Variants in PRSS16 observed in about 807,000 individuals in gnomAD.
PRSS16 encodes the protein thymus-specific serine protease.
In PRSS16, 43 loss-of-function variants were observed where a neutral mutation model predicts 61.7. The observed-to-expected ratio is 0.70, with a 90% CI of 0.55 to 0.90. The LOEUF is 0.90. PRSS16 is among the 40% of genes least tolerant of loss of function. The pLI is 0.00. For synonymous variants in PRSS16, 273 were observed against 285.2 expected (o/e 0.96, Z 0.43); for missense variants, 591 against 659.1 (o/e 0.90, Z 1.13).
chr6:27,251,842 C>G lies in PRSS16; in HGVS notation c.810C>G (p.Ser270Arg), dbSNP rs376394921. 1 of 1,612,636 alleles carries G rather than the reference C, an allele frequency of 6.2e-7. No homozygotes were observed. The highest frequency in any genetic ancestry group is 8.5e-7 in the Non-Finnish European group (1 of 1,179,726). Residue 270 changes from serine (S) to arginine (R), a missense_variant, in exon 8 of 12, where the codon AGC becomes AGG. Physicochemically the swap from Ser to Arg is moderately radical, Grantham distance 110 (BLOSUM62 -1). Coordinates refer to ENST00000230582, the MANE Select transcript of PRSS16 (RefSeq NM_005865.4). This position sits in a 1 kb window ranked among gnomAD's most constrained non-coding sequence, Gnocchi z 5.6. ...AAGCAGCATTGCGGACGGAGCTGAG[C>G]GCTTGCGGGCCCCTGGGCCGCGCTG... ...AAQAALRTEL[S>R]ACGPLGRAEN...
Position 27,248,013 on chromosome 6 carries a change from C to G in PRSS16, c.202C>G (p.Pro68Ala), listed in dbSNP as rs267600915. ...KVGWLEQLLD[P>A]FNVSDRRSFL... ...GGGGTGGCTGGAGCAACTGCTGGACCCCTTCAACGTGTCCGACAGACGATC... is the reference window on the plus strand; with the variant it reads ...GGGGTGGCTGGAGCAACTGCTGGACGCCTTCAACGTGTCCGACAGACGATC... Residue 68 changes from proline to alanine, a missense_variant, in exon 2 of 12, where the codon CCC (proline) becomes GCC (alanine). Coordinates refer to ENST00000230582, the MANE Select transcript of PRSS16 (RefSeq NM_005865.4). 9.9e-6 allele frequency: 16 copies of G among 1,613,656 alleles called. No homozygotes were observed. Among genetic ancestry groups the G allele is most frequent in the Non-Finnish European group, 1.2e-5 (14 of 1,179,896 alleles).
chr6:27,252,264 C>A lies in PRSS16; in HGVS notation c.1008+224C>A. ...CACAGTGTGCGAATGTTAGAGACTG[C>A]GATTATTACCTATTTTGCCTATCCT... On this transcript the variant is annotated intron_variant, in intron 8 of 11. Coordinates refer to ENST00000230582, the MANE Select transcript of PRSS16 (RefSeq NM_005865.4). The surrounding 1 kb of genome is among the most constrained non-coding windows in gnomAD (Gnocchi z 4.2). 1 of 575,356 alleles carries A rather than the reference C, an allele frequency of 1.7e-6. No individual in the cohort carries two copies. Among genetic ancestry groups the A allele is most frequent in the African/African-American group, 1.9e-5 (1 of 51,624 alleles). The allele number at this position is 575,356 out of a possible 1,614,324, so 35.6% of individuals were successfully genotyped here.
Position 27,251,195 on chromosome 6 carries a change from T to G in PRSS16, c.670-22T>G, listed in dbSNP as rs371550730. On this transcript the variant is annotated intron_variant, in intron 6 of 11. Transcript: ENST00000230582. The surrounding 1 kb of genome is among the most constrained non-coding windows in gnomAD (Gnocchi z 5.6). ...GAGTCCCTTGACACTTCCGGATACC[T>G]TCCTCTGCGGTCCGCCCACAGGTGG... The G allele has an allele frequency of 2.5e-6, 4 of 1,613,394 alleles. No individual in the cohort carries two copies. The African/African-American group carries it at 4.0e-5, about 16-fold the overall frequency.
chr6:27,254,605 C>A, intron 9 of PRSS16, 88 bp from the exon 10 acceptor site: 1 of 1,277,314 alleles, frequency 7.8e-7, no homozygotes, highest in Non-Finnish European at 1.1e-6. Flanking sequence ...ATGTTCTGGT[C>A]ATCACTGAGG....
At position 27,252,236 on chromosome 6, in the gene PRSS16, G is replaced by A; in HGVS notation, c.1008+196G>A. ...TGTAGAGCAATCAGCTGGGAGCCTGGCACACAGTGTGCGAATGTTAGAGAC... is the reference window on the plus strand; with the variant it reads ...TGTAGAGCAATCAGCTGGGAGCCTGACACACAGTGTGCGAATGTTAGAGAC... On this transcript the variant is annotated intron_variant, in intron 8 of 11. Transcript: ENST00000230582. The surrounding 1 kb of genome is among the most constrained non-coding windows in gnomAD (Gnocchi z 4.2). 1 of 665,730 alleles carries A rather than the reference G, an allele frequency of 1.5e-6. No individual in the cohort carries two copies. Among genetic ancestry groups the A allele is most frequent in the Non-Finnish European group, 2.4e-6 (1 of 419,538 alleles). The allele number at this position is 665,730 out of a possible 1,614,324, so 41.2% of individuals were successfully genotyped here.
chr6:27,252,777 T>A lies in PRSS16; in HGVS notation c.1009-31T>A, dbSNP rs1759943202. On this transcript the variant is annotated intron_variant, in intron 8 of 11. Coordinates refer to ENST00000230582, the MANE Select transcript of PRSS16 (RefSeq NM_005865.4). This position sits in a 1 kb window ranked among gnomAD's most constrained non-coding sequence, Gnocchi z 4.2. The stretch of plus-strand genomic sequence containing the variant: ...GGCTTGCTGGGAAGAGAGGAGGAAT[T>A]TATGTCTTATGTATGTACATTGTTC... 4.3e-6 allele frequency: 7 copies of A among 1,613,000 alleles called. No homozygotes were observed. The highest frequency in any genetic ancestry group is 5.9e-6 in the Non-Finnish European group (7 of 1,179,490).
In PRSS16 at chr6:27,252,909, C is replaced by A. The variant is rs759815303; in HGVS notation, c.1110C>A (p.Asp370Glu). The change falls in exon 9 of 12, where the codon GAC (aspartate) becomes GAA (glutamate). Residue 370 changes from aspartate to glutamate, a missense_variant. Asp to Glu is a conservative substitution (Grantham distance 45). Transcript: ENST00000230582. The surrounding 1 kb of genome is among the most constrained non-coding windows in gnomAD (Gnocchi z 4.2). The part of the protein sequence containing the change: ...STEPQLSGVG[D>E]RQWLYQTCTE... ...AACCTCAACTGTCTGGTGTGGGTGACCGGCAGTGGTTGTATCAGACATGTA... is the reference window on the plus strand; with the variant it reads ...AACCTCAACTGTCTGGTGTGGGTGAACGGCAGTGGTTGTATCAGACATGTA... 1 of 1,614,172 alleles carries A rather than the reference C, an allele frequency of 6.2e-7. No individual in the cohort carries two copies. The highest frequency in any genetic ancestry group is 8.5e-7 in the Non-Finnish European group (1 of 1,180,044).
At position 27,255,786 on chromosome 6, in the gene PRSS16, CCTT is replaced by C. The variant is rs1323903347; in HGVS notation, c.*474_*476del. On this transcript the variant is annotated 3_prime_UTR_variant, in exon 12 of 12. Coordinates refer to ENST00000230582, the MANE Select transcript of PRSS16 (RefSeq NM_005865.4). The surrounding 1 kb of genome is among the most constrained non-coding windows in gnomAD (Gnocchi z 4.4). The stretch of plus-strand genomic sequence containing the variant: ...CTGTCACTATTTGTCTTTCTAATCT[CCTT>C]CTGTTTCTCTGAATATCTTCATTTC... 10 of 156,978 alleles carry C rather than the reference CCTT, an allele frequency of 6.4e-5. No individual in the cohort carries two copies. Among genetic ancestry groups the C allele is most frequent in the African/African-American group, 2.4e-4 (10 of 41,440 alleles). 9.7% of individuals were successfully genotyped at this position (156,978 alleles called of 1,614,324 possible). A position where few individuals can be genotyped will look rare whatever the true frequency, so the allele number is the denominator to read the frequency against.
At position 27,251,958 on chromosome 6, in the gene PRSS16, G is replaced by A. The variant is rs754960692; in HGVS notation, c.926G>A (p.Arg309Gln). ...CAGACGGGAGCGCCGCTAAGCGTGC[G>A]ACAGCTCTGCGGACTTCTCCTCGGG... is the stretch of plus-strand genomic sequence containing the variant. ...DGQTGAPLSV[R>Q]QLCGLLLGGG... Residue 309 changes from arginine (R) to glutamine (Q), a missense_variant, in exon 8 of 12, where the codon CGA becomes CAA. Coordinates refer to ENST00000230582, the MANE Select transcript of PRSS16 (RefSeq NM_005865.4). This position sits in a 1 kb window ranked among gnomAD's most constrained non-coding sequence, Gnocchi z 5.6. 6.2e-6 allele frequency: 10 copies of A among 1,608,302 alleles called. No individual in the cohort carries two copies. Among genetic ancestry groups the A allele is most frequent in the African/African-American group, 2.7e-5 (2 of 74,806 alleles).
At chr6:27,250,119 G>T (rs1325382769) in intron 4 of PRSS16, among the ~76,000 whole-genome samples, 2 of 152,010 alleles carry the variant, frequency 1.3e-5, no homozygotes, top group Non-Finnish European at 2.9e-5. Flanking sequence ...CTCCATCTCT[G>T]TCTCTCTGCA....
In PRSS16 at chr6:27,251,542, G is replaced by A; in HGVS notation, c.718-208G>A. On this transcript the variant is annotated intron_variant, in intron 7 of 11. Transcript: ENST00000230582. The surrounding 1 kb of genome is among the most constrained non-coding windows in gnomAD (Gnocchi z 5.6). ...GGGCGGGGCCACAATGGAGGACGGG[G>A]CCTGCAGGGAAGACCCGAGAAGGAG... 1 of 721,718 alleles carries A rather than the reference G, an allele frequency of 1.4e-6. No homozygotes were observed. The highest frequency in any genetic ancestry group is 2.2e-6 in the Non-Finnish European group (1 of 464,610). 44.7% of individuals were successfully genotyped at this position (721,718 alleles called of 1,614,324 possible). A position where few individuals can be genotyped will look rare whatever the true frequency, so the allele number is the denominator to read the frequency against.
chr6:27,250,027 T>G (rs972671093), intron 4 of PRSS16, among the ~76,000 whole-genome samples: 14 of 152,204 alleles, frequency 9.2e-5, no homozygotes, highest in African/African-American at 3.1e-4. Flanking sequence ...CTTTCCTCAT[T>G]GGTATCTCTG....
In PRSS16 at chr6:27,255,369, T is replaced by C; in HGVS notation, c.*54T>C. 6.7e-7 allele frequency: 1 copy of C among 1,502,784 alleles called. No individual in the cohort carries two copies. The highest frequency in any genetic ancestry group is 1.2e-5 in the South Asian group (1 of 81,940). The allele number at this position is 1,502,784 out of a possible 1,614,324, so 93.1% of individuals were successfully genotyped here. A position where few individuals can be genotyped will look rare whatever the true frequency, so the allele number is the denominator to read the frequency against. On this transcript the variant is annotated 3_prime_UTR_variant, in exon 12 of 12. Coordinates refer to ENST00000230582, the MANE Select transcript of PRSS16 (RefSeq NM_005865.4). This position sits in a 1 kb window ranked among gnomAD's most constrained non-coding sequence, Gnocchi z 4.4. ...GTCACCTCAGTCCTGGACATACTTG[T>C]TCACTGAACAAAAGAAAGCAGCTTG...
chr6:27,250,845 T>C, intron 5 of PRSS16, 39 bp downstream of exon 5: 2 of 1,581,424 alleles, frequency 1.3e-6, no homozygotes, highest in South Asian at 2.3e-5. Context: ...GGGAGGGAAC[T>C]CGGACTCCAG....
Position 27,254,744 on chromosome 6 carries a change from C to T in PRSS16, c.1202C>T (p.Pro401Leu). 6.2e-7 allele frequency: 1 copy of T among 1,614,050 alleles called. No homozygotes were observed. The highest frequency in any genetic ancestry group is 1.3e-5 in the African/African-American group (1 of 75,030). ...CCTTTCTCCCAGCTCCCAGCACTGC[C>T]CTCCCAGCTAGACCTATGTGAGCAG... ...RCPFSQLPAL[P>L]SQLDLCEQVF... Residue 401 changes from proline (P) to leucine (L), a missense_variant, in exon 10 of 12, where the codon CCC becomes CTC. Physicochemically the swap from Pro to Leu is moderately conservative, Grantham distance 98. Transcript: ENST00000230582.
Position 27,252,440 on chromosome 6 carries a change from C to T in PRSS16, c.1009-368C>T, listed in dbSNP as rs1759936711. Among the ~76,000 whole-genome samples the T allele has an allele frequency of 6.6e-6, 1 of 152,236 alleles. No homozygotes were observed. Among genetic ancestry groups the T allele is most frequent in the Non-Finnish European group, 1.5e-5 (1 of 68,040 alleles). The stretch of plus-strand genomic sequence containing the variant: ...CAGCCTCTAAATCCACAACTGCAAT[C>T]CAGCTGTCGCTTTTCCAGCACTGTC... On this transcript the variant is annotated intron_variant, in intron 8 of 11. Coordinates refer to ENST00000230582, the MANE Select transcript of PRSS16 (RefSeq NM_005865.4). This position sits in a 1 kb window ranked among gnomAD's most constrained non-coding sequence, Gnocchi z 4.2.
chr6:27,248,153 C>T, intron 2 of PRSS16, 105 bp downstream of exon 2: 6 of 1,273,166 alleles, frequency 4.7e-6, no homozygotes, highest in Non-Finnish European at 6.4e-6. Context: ...CCTCAGTTCT[C>T]CCCATCCCTC....
chr6:27,250,968 T>G, intron 5 of PRSS16, 74 bp from the exon 6 acceptor site: 1 of 1,590,692 alleles, frequency 6.3e-7, no homozygotes, highest in Non-Finnish European at 8.6e-7. Context: ...ACACAGCGAG[T>G]AAGTGACACA....
intron 4 of PRSS16, 115 bp downstream of exon 4, chr6:27,249,344 G>A (rs549819729): frequency 3.0e-6 from 4 of 1,332,602 alleles, no homozygotes; most frequent in Non-Finnish European, 4.1e-6. Context: ...TGAGTCTCTG[G>A]TTCCCTCTGT....
Sources: allele counts gnomAD v4.1 joint callset (sites outside exome capture counted in the v4.1 genomes callset), GRCh38; gene constraint gnomAD v4.1.1; non-coding constraint Gnocchi (gnomAD v3.1); transcripts MANE v1.5; gene names NCBI Gene and HGNC (gene_info 2026-07-23, HGNC 2026-07-21).